The following RTN4 variants were observed in gnomAD, a reference collection of about 807,000 sequenced individuals.
RTN4 encodes the protein reticulon-4.
Under a neutral mutation model 90.4 loss-of-function variants are expected in RTN4, and 32 were observed. The observed-to-expected ratio is 0.35, with a 90% confidence interval of 0.27 to 0.48. The LOEUF (loss-of-function observed/expected upper bound fraction) is 0.48, where lower values mean the gene tolerates loss of function less well. Among genes scored for constraint, RTN4 ranks in the 20% least tolerant of loss-of-function variants. The pLI, the probability that RTN4 is intolerant of heterozygous loss-of-function variation, is 0.99. For synonymous variants in RTN4, 629 were observed against 552.5 expected (o/e 1.14, Z -1.94); for missense variants, 1,706 against 1,430.2 (o/e 1.19, Z -3.11).
chr2:55,000,858 C>A (rs371367400), intron 3 of RTN4, among the ~76,000 whole-genome samples: 1 of 151,942 alleles, frequency 6.6e-6, no homozygotes, highest in Non-Finnish European at 1.5e-5. Flanking sequence ...ACTAACACTA[C>A]GAGTAGAGTT....
intron 3 of RTN4, among the ~76,000 whole-genome samples, chr2:55,022,699 C>T (rs1415884506): frequency 6.6e-6 from 1 of 152,068 alleles, no homozygotes. Context: ...TCCTCTCCAC[C>T]CCTAGTCCTG....
In RTN4 at chr2:54,972,795, C is replaced by CTT. The variant is rs530921271; in HGVS notation, c.*359_*360dup. The stretch of plus-strand genomic sequence containing the variant: ...TACACAGTGCACAAACTGAAAAGGG[C>CTT]TTTTTTTTTTTTTTTTCTAGCTCCA... On this transcript the variant is annotated 3_prime_UTR_variant, in exon 9 of 9. Transcript: ENST00000337526. The CTT allele has an allele frequency of 6.3e-3, 942 of 149,976 alleles. 20 individuals are homozygous for CTT. The highest frequency in any genetic ancestry group is 0.021 in the African/African-American group (803 of 37,564). 9.3% of individuals were successfully genotyped at this position (149,976 alleles called of 1,614,324 possible).
At chr2:55,121,173 A>T in the RTN4 span, among the ~76,000 whole-genome samples, 94 of 152,250 alleles carry the variant, frequency 6.2e-4, no homozygotes, top group Non-Finnish European at 1.2e-3. Context: ...GACAGACACC[A>T]TACATGGGAC....
At chr2:55,011,938 C>T (rs949799992) in intron 3 of RTN4, among the ~76,000 whole-genome samples, 1 of 152,142 alleles carries the variant, frequency 6.6e-6, no homozygotes, top group Non-Finnish European at 1.5e-5. Context: ...ACCCGGTCAG[C>T]AAGCCATATC....
chr2:54,987,274 T>G (rs972491870), intron 4 of RTN4, among the ~76,000 whole-genome samples: 2 of 152,198 alleles, frequency 1.3e-5, no homozygotes, highest in African/African-American at 4.8e-5. Context: ...GCAGAGTTAG[T>G]TTAATGATAC....
intron 1 of RTN4, among the ~76,000 whole-genome samples, chr2:55,097,597 AAGAGGC>A (rs1371387698): frequency 6.6e-6 from 1 of 152,138 alleles, no homozygotes; most frequent in Non-Finnish European, 1.5e-5. Context: ...GGAGGCCTCG[AAGAGGC>A]AGACTGTCAG....
intron 3 of RTN4, among the ~76,000 whole-genome samples, chr2:55,015,000 C>A (rs1680926271): frequency 6.6e-6 from 1 of 152,116 alleles, no homozygotes; most frequent in African/African-American, 2.4e-5. Context: ...TGTCAATATT[C>A]AAAATTGTTT....
At chr2:54,974,917 C>T (rs1049739726) in intron 5 of RTN4, among the ~76,000 whole-genome samples, 153 bp from the exon 6 acceptor site, 2 of 152,172 alleles carry the variant, frequency 1.3e-5, no homozygotes, top group African/African-American at 2.4e-5. Flanking sequence ...TATTAAGTCA[C>T]GAGTCTCAAT....
chr2:55,060,068 G>A (rs1668263419), intron 2 of RTN4, among the ~76,000 whole-genome samples: 1 of 152,102 alleles, frequency 6.6e-6, no homozygotes, highest in Admixed American at 6.5e-5. Context: ...TCAGCCAGTG[G>A]GTGTCTTGCT....
the RTN4 span, among the ~76,000 whole-genome samples, chr2:55,130,967 C>T: frequency 1.3e-5 from 2 of 152,110 alleles, no homozygotes; most frequent in African/African-American, 2.4e-5. Flanking sequence ...CAGAGATGTC[C>T]AAGAGTCATG....
At chr2:55,094,856 T>C (rs1669003008) in intron 1 of RTN4, among the ~76,000 whole-genome samples, 2 of 152,180 alleles carry the variant, frequency 1.3e-5, no homozygotes, top group Non-Finnish European at 1.5e-5. Flanking sequence ...TGAGTGTTAA[T>C]ACCCAAAAGT....
intron 1 of RTN4, 83 bp downstream of exon 1, chr2:55,049,662 G>C (rs1160116317): frequency 6.5e-7 from 1 of 1,528,470 alleles, no homozygotes; most frequent in Admixed American, 2.1e-5. Flanking sequence ...GGAGAGGAGG[G>C]ACCAGCCCAA....
chr2:55,057,842 G>A (rs1332440331), intron 2 of RTN4, among the ~76,000 whole-genome samples: 1 of 152,108 alleles, frequency 6.6e-6, no homozygotes, highest in Non-Finnish European at 1.5e-5. Context: ...AATTAGCTGG[G>A]TGTGATTGTG....
Position 54,987,573 on chromosome 2 carries a change from G to A in RTN4, c.3139C>T (p.Leu1047=). ...VSVTAYIALA[L]LSVTISFRIY... is the part of the protein sequence containing the mutation. The stretch of plus-strand genomic sequence containing the variant: ...CTAAAGCTGATGGTCACAGAGAGCA[G>A]GGCCAAGGCAATGTAGGCTGTTACG... The change falls in exon 4 of 9, where the codon CTG becomes TTG. Residue 1047 remains leucine, a synonymous_variant. Coordinates refer to ENST00000337526, the MANE Select transcript of RTN4 (RefSeq NM_020532.5). The A allele has an allele frequency of 6.2e-7, 1 of 1,614,184 alleles. No individual in the cohort carries two copies. The highest frequency in any genetic ancestry group is 8.5e-7 in the Non-Finnish European group (1 of 1,180,020).
chr2:55,073,127 C>G (rs1424701858), intron 2 of RTN4, among the ~76,000 whole-genome samples: 1 of 152,188 alleles, frequency 6.6e-6, no homozygotes, highest in Non-Finnish European at 1.5e-5. Flanking sequence ...ACTGTACCTA[C>G]TATACAACAG....
chr2:55,095,284 A>G (rs1669010654), intron 1 of RTN4, among the ~76,000 whole-genome samples: 1 of 152,022 alleles, frequency 6.6e-6, no homozygotes, highest in African/African-American at 2.4e-5. Context: ...AGATCGTGCC[A>G]CTGCACTCTA....
chr2:54,995,533 A>G (rs1308243100), intron 3 of RTN4, among the ~76,000 whole-genome samples: 1 of 152,148 alleles, frequency 6.6e-6, no homozygotes, highest in Non-Finnish European at 1.5e-5. Context: ...CATGATTATT[A>G]TATACTTTAT....
chr2:54,988,186 G>A (rs750746884), intron 3 of RTN4, among the ~76,000 whole-genome samples: 5 of 152,186 alleles, frequency 3.3e-5, no homozygotes, highest in South Asian at 2.1e-4. Context: ...GCATGGTGGC[G>A]CATGCCTGTA....
chr2:55,075,664 G>A (rs1453311444), intron 2 of RTN4, among the ~76,000 whole-genome samples: 1 of 152,088 alleles, frequency 6.6e-6, no homozygotes, highest in Non-Finnish European at 1.5e-5. Flanking sequence ...CAAATCTGGA[G>A]GCATTACATT....
Sources: gnomAD v4.1 joint callset for allele counts (sites outside exome capture counted in the v4.1 genomes callset) on GRCh38, gnomAD v4.1.1 for gene constraint, MANE v1.5 for transcripts, NCBI Gene and HGNC (gene_info 2026-07-23, HGNC 2026-07-21) for gene names.